FBRSL1: variants seen among roughly 807,000 people sequenced by gnomAD.
FBRSL1 encodes the protein fibrosin-1-like protein.
Under a neutral mutation model 89.6 loss-of-function variants are expected in FBRSL1, and 51 were observed. The observed-to-expected ratio is 0.57, with a 90% confidence interval of 0.45 to 0.72. FBRSL1 has a LOEUF of 0.72. FBRSL1 is among the 30% of genes least tolerant of loss of function. The pLI, the probability that FBRSL1 is intolerant of heterozygous loss-of-function variation, is 0.00. For missense variants in FBRSL1, 1,618 were observed against 1,451.8 expected (o/e 1.11, Z -1.86); for synonymous variants, 779 against 681.1 (o/e 1.14, Z -2.24).
At chr12:132,567,311 G>A (rs1173466601) in intron 5 of FBRSL1, among the ~76,000 whole-genome samples, 170 bp from the exon 6 acceptor site, 8 of 152,190 alleles carry the variant, frequency 5.3e-5, no homozygotes, top group South Asian at 2.1e-4. Flanking sequence ...ATACACATGC[G>A]TGGAGCTCAG....
At chr12:132,575,181 C>A (rs1290670541) in intron 14 of FBRSL1, among the ~76,000 whole-genome samples, 2 of 152,224 alleles carry the variant, frequency 1.3e-5, no homozygotes, top group Non-Finnish European at 2.9e-5. Flanking sequence ...TCTGAAAAAT[C>A]ATTGTCCTAA....
intron 2 of FBRSL1, among the ~76,000 whole-genome samples, chr12:132,523,420 C>T (rs2035530952): frequency 6.6e-6 from 1 of 152,010 alleles, no homozygotes; most frequent in Admixed American, 6.5e-5. Context: ...TTGGGAGGAG[C>T]ACACGCAGGG....
chr12:132,543,122 G>A (rs2037404774), intron 4 of FBRSL1, among the ~76,000 whole-genome samples: 1 of 152,144 alleles, frequency 6.6e-6, no homozygotes, highest in South Asian at 2.1e-4. Context: ...TGGTGGCAGT[G>A]GTGGTGACAG....
Position 132,499,755 on chromosome 12 carries a change from G to A in FBRSL1, c.292-8398G>A, listed in dbSNP as rs995005514. Among the ~76,000 whole-genome samples, 4 of 152,118 alleles carry A rather than the reference G, an allele frequency of 2.6e-5. No individual in the cohort carries two copies. The highest frequency in any genetic ancestry group is 2.1e-4 in the South Asian group (1 of 4,828). On this transcript the variant is annotated intron_variant, in intron 1 of 18. Transcript: ENST00000680143. The surrounding 1 kb of genome is among the most constrained non-coding windows in gnomAD (Gnocchi z 4.3). ...GGGCGCTGCGCAGCACCTAAACTCC[G>A]TGAGATCAGGTGCTCTGGGGACTCA...
At chr12:132,538,471 T>C (rs1381626702) in intron 4 of FBRSL1, among the ~76,000 whole-genome samples, 1 of 152,002 alleles carries the variant, frequency 6.6e-6, no homozygotes, top group Non-Finnish European at 1.5e-5. Context: ...GTGCACTGAG[T>C]GGGGGCCTCC....
intron 5 of FBRSL1, among the ~76,000 whole-genome samples, chr12:132,567,162 C>T (rs1401145991): frequency 1.3e-5 from 2 of 152,154 alleles, no homozygotes; most frequent in African/African-American, 4.8e-5. Flanking sequence ...TTGCCAAATG[C>T]CGGCGCTCCC....
At chr12:132,563,793 TCACCCCCGTCGC>T (rs2039354003) in intron 5 of FBRSL1, among the ~76,000 whole-genome samples, 1 of 20,970 alleles carries the variant, frequency 4.8e-5, no homozygotes, top group Non-Finnish European at 7.9e-5. Flanking sequence ...GACTGTACAC[TCACCCCCGTCGC>T]CCCTGAACCC....
At chr12:132,574,258 C>A in intron 12 of FBRSL1, 61 bp from the exon 13 acceptor site, 1 of 1,465,716 alleles carries the variant, frequency 6.8e-7, no homozygotes, top group South Asian at 1.4e-5. Context: ...GTGTCCCCTG[C>A]ACCCCCAGGA....
chr12:132,570,825 C>A (rs571942105), intron 8 of FBRSL1, among the ~76,000 whole-genome samples: 5 of 152,216 alleles, frequency 3.3e-5, no homozygotes, highest in Non-Finnish European at 7.4e-5. Flanking sequence ...AGGCCTCCCC[C>A]GCAGCCTGCT....
intron 5 of FBRSL1, among the ~76,000 whole-genome samples, chr12:132,562,060 C>T (rs988786144): frequency 1.3e-5 from 2 of 152,188 alleles, no homozygotes; most frequent in Non-Finnish European, 2.9e-5. Context: ...CCTGCACAGG[C>T]CCCTTCACTA....
chr12:132,491,979 G>C (rs941458808), intron 1 of FBRSL1, among the ~76,000 whole-genome samples: 1 of 152,238 alleles, frequency 6.6e-6, no homozygotes, highest in Non-Finnish European at 1.5e-5. Flanking sequence ...CCTCTGTCCT[G>C]CACATTATTA....
Position 132,577,502 on chromosome 12 carries a change from G to C in FBRSL1, c.1834+571G>C, listed in dbSNP as rs185686663. ...CTCCCGGGGTCCCAGGACGGGCCCA[G>C]CTGCGGTGGTTTCCTAGGAAGGGTT... On this transcript the variant is annotated intron_variant, in intron 15 of 18. Transcript: ENST00000680143. 1.3e-3 allele frequency among the ~76,000 whole-genome samples: 192 copies of C among 152,304 alleles called. 3 individuals carry two copies. In the South Asian group the frequency reaches 0.021, roughly 16 times the overall value.
intron 15 of FBRSL1, among the ~76,000 whole-genome samples, chr12:132,579,032 C>T (rs996109807): frequency 2.6e-5 from 4 of 152,314 alleles, no homozygotes; most frequent in East Asian, 1.9e-4. Flanking sequence ...CCCGCCCCAC[C>T]GACCCTGCTC....
At chr12:132,505,724 G>A (rs1178939580) in intron 1 of FBRSL1, among the ~76,000 whole-genome samples, 2 of 152,224 alleles carry the variant, frequency 1.3e-5, no homozygotes, top group Non-Finnish European at 1.5e-5. Flanking sequence ...GGGCAGTGCT[G>A]TGGCGTTGCT....
rs1025798697 is a variant in FBRSL1 at position 132,525,885 on chromosome 12, C to T, written c.579+62C>T. 148 of 1,333,816 alleles carry T rather than the reference C, an allele frequency of 1.1e-4. 1 individual carries two copies. Among genetic ancestry groups the T allele is most frequent in the Middle Eastern group, 9.7e-4 (4 of 4,112 alleles). 82.6% of individuals were successfully genotyped at this position (1,333,816 alleles called of 1,614,324 possible). ...TCTGGGCCGCCTGCCCGCTGCGCCCCGCACAAGGGCGTCCAGTCCGAGTCT... is the reference window on the plus strand; with the variant it reads ...TCTGGGCCGCCTGCCCGCTGCGCCCTGCACAAGGGCGTCCAGTCCGAGTCT... On this transcript the variant is annotated intron_variant, in intron 3 of 18. Transcript: ENST00000680143.
At chr12:132,564,519 G>A (rs547962307) in intron 5 of FBRSL1, among the ~76,000 whole-genome samples, 4 of 95,904 alleles carry the variant, frequency 4.2e-5, no homozygotes, top group South Asian at 2.9e-4. Flanking sequence ...TTTTTGAGAC[G>A]GAGTCTCGCT....
intron 1 of FBRSL1, chr12:132,507,384 A>T (rs955656279): frequency 5.1e-6 from 5 of 985,336 alleles, no homozygotes; most frequent in African/African-American, 1.7e-5. Context: ...GCCAGCATAC[A>T]GAAGGTGCTT....
At chr12:132,557,045 G>A (rs960186076) in intron 5 of FBRSL1, among the ~76,000 whole-genome samples, 14 of 152,190 alleles carry the variant, frequency 9.2e-5, no homozygotes, top group African/African-American at 2.9e-4. Context: ...AGGGCGATCC[G>A]GTGTCCTGGG....
intron 2 of FBRSL1, among the ~76,000 whole-genome samples, chr12:132,518,646 C>G (rs1438156017): frequency 1.3e-5 from 2 of 151,550 alleles, no homozygotes; most frequent in South Asian, 4.2e-4. Context: ...ACCCATCTGT[C>G]CATCCACCCG....
Sources: allele counts gnomAD v4.1 joint callset (sites outside exome capture counted in the v4.1 genomes callset), GRCh38; gene constraint gnomAD v4.1.1; non-coding constraint Gnocchi (gnomAD v3.1); transcripts MANE v1.5; gene names NCBI Gene and HGNC (gene_info 2026-07-23, HGNC 2026-07-21).